The following PCDH11X variants were observed in gnomAD, a reference collection of about 807,000 sequenced individuals.
The protein encoded by PCDH11X is protocadherin-11 X-linked.
PCDH11X carries 18 observed loss-of-function variants against 53.3 expected under a neutral mutation model. The observed-to-expected ratio is 0.34, with a 90% CI of 0.23 to 0.50. The LOEUF (loss-of-function observed/expected upper bound fraction) is 0.50, where lower values mean the gene tolerates loss of function less well. Ranked by LOEUF, PCDH11X falls within the 20% of genes least tolerant of loss-of-function variation. The pLI is 0.98. For synonymous variants in PCDH11X, 279 were observed against 393.3 expected, an observed-to-expected ratio of 0.71 and a Z score of 3.44; for missense variants, 570 against 1,032.4, an observed-to-expected ratio of 0.55 and a Z score of 6.14.
intron 8 of PCDH11X, among the ~76,000 whole-genome samples, chrX:92,288,322 A>T (rs2068424492): frequency 9.1e-6 from 1 of 109,750 alleles, no homozygotes; most frequent in South Asian, 3.9e-4. Flanking sequence ...GAAATGTTCT[A>T]CTATTATGAA....
chrX:92,439,459 A>C (rs902680064), intron 9 of PCDH11X, among the ~76,000 whole-genome samples: 4 of 111,001 alleles, frequency 3.6e-5, no homozygotes, highest in Non-Finnish European at 5.7e-5. Context: ...CCATGCGGCT[A>C]TTCTGGATGG....
At chrX:91,973,637 C>T (rs1434365942) in intron 6 of PCDH11X, among the ~76,000 whole-genome samples, 1 of 88,356 alleles carries the variant, frequency 1.1e-5, no homozygotes, top group African/African-American at 4.3e-5. Context: ...TTTTTTGAGA[C>T]AGAGTCTCAC....
At chrX:92,360,047 A>G (rs990620042) in intron 8 of PCDH11X, among the ~76,000 whole-genome samples, 1 of 110,973 alleles carries the variant, frequency 9.0e-6, no homozygotes, top group African/African-American at 3.3e-5. Flanking sequence ...TTAGGCAACT[A>G]TTTTTAAAAT....
intron 6 of PCDH11X, among the ~76,000 whole-genome samples, chrX:91,947,239 T>C (rs2147865769): frequency 9.1e-6 from 1 of 109,604 alleles, no homozygotes; most frequent in African/African-American, 3.3e-5. Flanking sequence ...GATATTAGAC[T>C]CCAAGAAATG....
intron 10 of PCDH11X, among the ~76,000 whole-genome samples, chrX:92,568,295 G>A (rs1472620868): frequency 5.5e-5 from 6 of 109,434 alleles, no homozygotes; most frequent in African/African-American, 1.7e-4. Context: ...GGTGGCGGGC[G>A]CCTGTAGTCC....
intron 10 of PCDH11X, among the ~76,000 whole-genome samples, chrX:92,609,446 C>A (rs1927137377): frequency 9.0e-6 from 1 of 111,226 alleles, no homozygotes; most frequent in South Asian, 3.7e-4. Flanking sequence ...TTTAATCACT[C>A]AAATAGAATG....
At chrX:92,323,659 G>T (rs2069263320) in intron 8 of PCDH11X, among the ~76,000 whole-genome samples, 1 of 110,402 alleles carries the variant, frequency 9.1e-6, no homozygotes, top group Admixed American at 9.8e-5. Context: ...TGCCATGCTG[G>T]TGTGCTGCAC....
At position 92,540,984 on chromosome X, in the gene PCDH11X, G is replaced by A. The variant is rs2074746610; in HGVS notation, c.3367+72662G>A. The stretch of plus-strand genomic sequence containing the variant: ...TCTGAAGAAAGGAGTCACTTTTACT[G>A]TTGCGAGCTGCACTGACTTGGCTTG... On this transcript the variant is annotated intron_variant, in intron 10 of 10. Transcript: ENST00000682573. Among the ~76,000 whole-genome samples the A allele has an allele frequency of 2.7e-5, 3 of 109,249 alleles. 1 individual carries two copies. The highest frequency in any genetic ancestry group is 9.3e-3 in the Middle Eastern group (2 of 214). The allele number at this position is 109,249 out of a possible 115,157, so 94.9% of individuals were successfully genotyped here. A position where few individuals can be genotyped will look rare whatever the true frequency, so the allele number is the denominator to read the frequency against.
chrX:92,289,897 T>C (rs1179112573), intron 8 of PCDH11X, among the ~76,000 whole-genome samples: 4 of 111,719 alleles, frequency 3.6e-5, no homozygotes, highest in African/African-American at 9.8e-5. Context: ...GGAAAGCTTA[T>C]CATTTGTTCA....
chrX:91,989,389 C>T (rs1395714371), intron 6 of PCDH11X, among the ~76,000 whole-genome samples: 1 of 110,737 alleles, frequency 9.0e-6, no homozygotes, highest in East Asian at 2.9e-4. Flanking sequence ...GGTGAAACCC[C>T]GCCTCTGACA....
In PCDH11X at chrX:92,376,332, T is replaced by A. The variant is rs182920660; in HGVS notation, c.3145-11403T>A. ...CTTGTGTTATTTTCTCAAAGTGATG[T>A]AATTATTTTGCTTTTGCTTCATTAC... is the stretch of plus-strand genomic sequence containing the variant. On this transcript the variant is annotated intron_variant, in intron 8 of 10. Coordinates refer to ENST00000682573, the MANE Select transcript of PCDH11X (RefSeq NM_032968.5). 5.3e-5 allele frequency among the ~76,000 whole-genome samples: 6 copies of A among 112,238 alleles called. No individual in the cohort carries two copies. In the East Asian group the frequency reaches 1.7e-3, roughly 31 times the overall value.
chrX:92,513,832 T>C (rs906136439), intron 10 of PCDH11X, among the ~76,000 whole-genome samples: 4 of 111,507 alleles, frequency 3.6e-5, no homozygotes, highest in African/African-American at 9.8e-5. Flanking sequence ...TTTACAGACT[T>C]CTACAACCAT....
chrX:92,205,696 G>A (rs2066465289), intron 7 of PCDH11X, among the ~76,000 whole-genome samples: 1 of 103,913 alleles, frequency 9.6e-6, no homozygotes, highest in African/African-American at 3.6e-5. Context: ...TGCCTCCCAT[G>A]TTCAAGCGAT....
intron 6 of PCDH11X, among the ~76,000 whole-genome samples, chrX:92,067,543 T>C (rs1366237203): frequency 9.0e-6 from 1 of 111,087 alleles, no homozygotes. Context: ...TAATATATTG[T>C]CTAATTCAGT....
intron 10 of PCDH11X, among the ~76,000 whole-genome samples, chrX:92,502,042 T>C (rs946173470): frequency 3.9e-4 from 43 of 110,886 alleles, no homozygotes; most frequent in Non-Finnish European, 7.0e-4. Context: ...AAAATCAATG[T>C]GCAAAAATCG....
intron 10 of PCDH11X, among the ~76,000 whole-genome samples, chrX:92,486,316 A>T (rs2148679385): frequency 9.0e-6 from 1 of 111,183 alleles, no homozygotes; most frequent in Admixed American, 9.6e-5. Flanking sequence ...GACACATGTG[A>T]CCCTTATTTA....
chrX:92,249,963 G>A (rs755781284), intron 7 of PCDH11X, among the ~76,000 whole-genome samples: 1 of 110,895 alleles, frequency 9.0e-6, no homozygotes, highest in African/African-American at 3.3e-5. Context: ...GACTTTAACA[G>A]TGTTATACAG....
chrX:92,306,428 T>G (rs1463793540), intron 8 of PCDH11X, among the ~76,000 whole-genome samples: 1 of 108,161 alleles, frequency 9.2e-6, no homozygotes, highest in Non-Finnish European at 1.9e-5. Flanking sequence ...CAATAGAGAC[T>G]ATCCATGAGA....
At chrX:92,339,584 C>A (rs1204346190) in intron 8 of PCDH11X, among the ~76,000 whole-genome samples, 1 of 110,847 alleles carries the variant, frequency 9.0e-6, no homozygotes, top group East Asian at 2.8e-4. Flanking sequence ...GGGGAGCAGG[C>A]ACATCACATG....
Sources: gnomAD v4.1 joint callset for allele counts (sites outside exome capture counted in the v4.1 genomes callset) on GRCh38, gnomAD v4.1.1 for gene constraint, MANE v1.5 for transcripts, NCBI Gene and HGNC (gene_info 2026-07-23, HGNC 2026-07-21) for gene names.